Variants in DLG2 observed in about 807,000 individuals in gnomAD.
DLG2 encodes the protein disks large homolog 2.
Under a neutral mutation model 132.5 loss-of-function variants are expected in DLG2, and 45 were observed. That is an observed-to-expected ratio of 0.34 (90% CI 0.27 to 0.44). The LOEUF (loss-of-function observed/expected upper bound fraction) is 0.44. DLG2 is among the 20% of genes least tolerant of loss of function. The pLI, the probability that DLG2 is intolerant of heterozygous loss-of-function variation, is 1.00. For missense variants in DLG2, 1,045 were observed against 1,196.9 expected, an observed-to-expected ratio of 0.87 and a Z score of 1.87; for synonymous variants, 424 against 419.6, an observed-to-expected ratio of 1.01 and a Z score of -0.13.
chr11:83,721,290 G>C (rs569231935), intron 18 of DLG2, among the ~76,000 whole-genome samples: 1 of 152,162 alleles, frequency 6.6e-6, no homozygotes, highest in East Asian at 1.9e-4. Flanking sequence ...TTTTTTATTT[G>C]CATGGTTCCA....
In DLG2 at chr11:83,632,937, T is replaced by G. The variant is rs1374682978; in HGVS notation, c.1940+274A>C. The G allele has an allele frequency of 7.8e-6, 3 of 384,288 alleles. No homozygotes were observed. The East Asian group carries it at 1.4e-4, about 18-fold the overall frequency. 23.8% of individuals were successfully genotyped at this position (384,288 alleles called of 1,614,324 possible). A position where few individuals can be genotyped will look rare whatever the true frequency, so the allele number is the denominator to read the frequency against. On this transcript the variant is annotated intron_variant, in intron 19 of 27. Coordinates refer to ENST00000376104, the MANE Select transcript of DLG2 (RefSeq NM_001142699.3). ...GATTTATTAGAAATGAAAATGTTTCTTCTCATTATTTTTATTGCAACCTAT... is the reference window on the plus strand; with the variant it reads ...GATTTATTAGAAATGAAAATGTTTCGTCTCATTATTTTTATTGCAACCTAT...
intron 6 of DLG2, among the ~76,000 whole-genome samples, chr11:84,655,490 C>A (rs1187393013): frequency 6.6e-6 from 1 of 151,996 alleles, no homozygotes; most frequent in African/African-American, 2.4e-5. Context: ...ATGGGCTACA[C>A]CATCTATTTC....
At chr11:84,130,071 A>G (rs902358870) in intron 9 of DLG2, among the ~76,000 whole-genome samples, 6 of 152,042 alleles carry the variant, frequency 3.9e-5, no homozygotes, top group African/African-American at 1.4e-4. Flanking sequence ...AACTTTATCA[A>G]TTAAAAAGGT....
intron 7 of DLG2, among the ~76,000 whole-genome samples, chr11:84,302,459 TCTTAA>T (rs2098166545): frequency 1.3e-5 from 2 of 152,196 alleles, no homozygotes; most frequent in South Asian, 4.1e-4. Context: ...GAAGTTATAT[TCTTAA>T]CTTCTCACTT....
At chr11:84,948,282 T>C (rs1002014711) in intron 6 of DLG2, among the ~76,000 whole-genome samples, 3 of 152,252 alleles carry the variant, frequency 2.0e-5, no homozygotes, top group Non-Finnish European at 4.4e-5. Flanking sequence ...TAAGTTACTC[T>C]TGAGTTTAGA....
At chr11:84,098,134 G>A (rs2097192660) in intron 10 of DLG2, among the ~76,000 whole-genome samples, 1 of 149,114 alleles carries the variant, frequency 6.7e-6, no homozygotes, top group Admixed American at 6.8e-5. Context: ...CTGGGATCAA[G>A]TTCAAGCCAT....
At chr11:84,762,587 G>C (rs1348665898) in intron 6 of DLG2, among the ~76,000 whole-genome samples, 1 of 152,138 alleles carries the variant, frequency 6.6e-6, no homozygotes, top group African/African-American at 2.4e-5. Flanking sequence ...AGCATAGAGA[G>C]GCAAGGATTT....
rs531356618 is a variant in DLG2, at chr11:84,969,370, G to C, written c.357+142291C>G. On this transcript the variant is annotated intron_variant, in intron 6 of 27. Transcript: ENST00000376104. Reference sequence around the variant, plus strand: ...CTACTTACGTCTGCTTCCTACCACTGAATCCTGGCTTATCTCCTCACCAAA... The same window carrying C: ...CTACTTACGTCTGCTTCCTACCACTCAATCCTGGCTTATCTCCTCACCAAA... Among the ~76,000 whole-genome samples the C allele has an allele frequency of 8.5e-5, 13 of 152,220 alleles. No homozygotes were observed. The South Asian group carries it at 2.1e-3, about 24-fold the overall frequency.
At chr11:84,663,727 C>T (rs975609719) in intron 6 of DLG2, among the ~76,000 whole-genome samples, 1 of 152,148 alleles carries the variant, frequency 6.6e-6, no homozygotes, top group Non-Finnish European at 1.5e-5. Context: ...ACTATTCATA[C>T]CTGAACCTGT....
At chr11:84,175,131 A>G (rs2095924248) in intron 8 of DLG2, among the ~76,000 whole-genome samples, 1 of 152,182 alleles carries the variant, frequency 6.6e-6, no homozygotes, top group South Asian at 2.1e-4. Context: ...GGAGAAAGAA[A>G]TGGAAATATC....
chr11:85,275,747 A>G (rs1211197275), intron 4 of DLG2, among the ~76,000 whole-genome samples: 1 of 152,196 alleles, frequency 6.6e-6, no homozygotes, highest in Admixed American at 6.6e-5. Context: ...TATTCAATGA[A>G]CATTTACTGG....
chr11:84,045,389 G>A (rs2096219369), intron 11 of DLG2, among the ~76,000 whole-genome samples: 1 of 151,702 alleles, frequency 6.6e-6, no homozygotes, highest in African/African-American at 2.4e-5. Flanking sequence ...GATGCTAGGT[G>A]CAGTCCAACA....
chr11:84,520,879 AG>A (rs1310163133), intron 7 of DLG2, among the ~76,000 whole-genome samples: 3 of 152,174 alleles, frequency 2.0e-5, no homozygotes, highest in Admixed American at 2.0e-4. Context: ...TGTGGAAATT[AG>A]GTTTAGGAGC....
intron 7 of DLG2, among the ~76,000 whole-genome samples, chr11:84,310,982 C>T (rs1291162312): frequency 6.6e-6 from 1 of 152,222 alleles, no homozygotes; most frequent in Non-Finnish European, 1.5e-5. Context: ...GGAAATCTTT[C>T]AGCATTTCCT....
intron 3 of DLG2, among the ~76,000 whole-genome samples, chr11:85,548,453 G>C (rs151171831): frequency 0.035 from 5,401 of 152,298 alleles, 146 homozygotes; most frequent in Admixed American, 0.052. Flanking sequence ...CTCCCAGTCA[G>C]GATACACGGG....
chr11:84,544,745 T>C (rs2099386203), intron 6 of DLG2, among the ~76,000 whole-genome samples: 1 of 152,170 alleles, frequency 6.6e-6, no homozygotes, highest in East Asian at 1.9e-4. Flanking sequence ...GCTGTACTCC[T>C]GGCATACAGT....
intron 15 of DLG2, among the ~76,000 whole-genome samples, chr11:83,895,515 A>G (rs1596079774): frequency 6.6e-6 from 1 of 152,298 alleles, no homozygotes; most frequent in South Asian, 2.1e-4. Context: ...GCGAAACTTC[A>G]TAACTACAGC....
chr11:85,249,965 T>C (rs1200580328), intron 4 of DLG2, among the ~76,000 whole-genome samples: 1 of 152,172 alleles, frequency 6.6e-6, no homozygotes, highest in Admixed American at 6.6e-5. Flanking sequence ...AAAGGAACAT[T>C]GTCCTTACTC....
Position 85,345,005 on chromosome 11 carries a change from T to C in DLG2, c.41-59640A>G, listed in dbSNP as rs77143109. 6.1e-3 allele frequency among the ~76,000 whole-genome samples: 917 copies of C among 151,438 alleles called. 3 individuals carry two copies. The highest frequency in any genetic ancestry group is 9.3e-3 in the Non-Finnish European group (632 of 67,862). ...AGCAAAATACTGTACTTAAGTAGAA[T>C]AGGTAGTAACTCAATACGGTTGGTT... On this transcript the variant is annotated intron_variant, in intron 3 of 27. Coordinates refer to ENST00000376104, the MANE Select transcript of DLG2 (RefSeq NM_001142699.3).
Sources: allele counts gnomAD v4.1 joint callset (sites outside exome capture counted in the v4.1 genomes callset), GRCh38; gene constraint gnomAD v4.1.1; transcripts MANE v1.5; gene names NCBI Gene and HGNC (gene_info 2026-07-23, HGNC 2026-07-21).